PRICKLE1: variants seen among roughly 807,000 people sequenced by gnomAD.
PRICKLE1 encodes prickle planar cell polarity protein 1.
In PRICKLE1, 14 loss-of-function variants were observed where a neutral mutation model predicts 70.2. That is an observed-to-expected ratio of 0.20 (90% CI 0.13 to 0.31). The LOEUF is 0.31. Ranked by LOEUF, PRICKLE1 falls within the 10% of genes least tolerant of loss-of-function variation. The pLI, the probability that PRICKLE1 is intolerant of heterozygous loss-of-function variation, is 1.00. For synonymous variants in PRICKLE1, 357 were observed against 379.9 expected (o/e 0.94, Z 0.70); for missense variants, 821 against 1,026.2 (o/e 0.80, Z 2.73).
At chr12:42,544,142 T>G (rs1361162542) in intron 1 of PRICKLE1, among the ~76,000 whole-genome samples, 1 of 152,198 alleles carries the variant, frequency 6.6e-6, no homozygotes. Flanking sequence ...GGACCTGCAC[T>G]GTTCAAACCT....
chr12:42,526,934 T>C (rs1001338540), intron 1 of PRICKLE1, among the ~76,000 whole-genome samples: 3 of 152,018 alleles, frequency 2.0e-5, no homozygotes, highest in African/African-American at 7.3e-5. Flanking sequence ...AGACTATGTA[T>C]GCTGCTTGAA....
At chr12:42,539,026 T>G (rs910914973) in intron 1 of PRICKLE1, among the ~76,000 whole-genome samples, 9 of 152,200 alleles carry the variant, frequency 5.9e-5, no homozygotes, top group Admixed American at 1.3e-4. Context: ...AATTTTAATA[T>G]AGCATACATC....
Position 42,463,255 on chromosome 12 carries a change from C to T in PRICKLE1, c.1639+1140G>A, listed in dbSNP as rs141778526. On this transcript the variant is annotated intron_variant, in intron 7 of 7. Coordinates refer to ENST00000345127, the MANE Select transcript of PRICKLE1 (RefSeq NM_153026.3). ...CAGAGGTTATAGTGAGCTGATATCG[C>T]GTCATTGCACCCCAACCTGGGTGAC... Among the ~76,000 whole-genome samples, 1,244 of 152,106 alleles carry T rather than the reference C, an allele frequency of 8.2e-3. 7 individuals carry two copies. Among genetic ancestry groups the T allele is most frequent in the Middle Eastern group, 0.017 (5 of 294 alleles).
At chr12:42,483,065 C>T (rs1331605642) in intron 1 of PRICKLE1, 5 of 152,710 alleles carry the variant, frequency 3.3e-5, no homozygotes, top group Non-Finnish European at 7.3e-5. Context: ...GCGAGCGAAC[C>T]CCTCCTCGGC....
Position 42,469,511 on chromosome 12 carries a change from G to A in PRICKLE1, c.323C>T (p.Ala108Val). ...AAGCTTAATTGTTCCTCTTCCCAGT[G>A]CTTCTTTCTTCCGCTGAGCACTGAA... ...QVFSAQRKKE[A>V]LGRGTIKLLS... The change falls in exon 4 of 8, where the codon GCA (alanine) becomes GTA (valine). Residue 108 changes from alanine (A) to valine (V), a missense_variant. Physicochemically the swap from Ala to Val is moderately conservative, Grantham distance 64. Transcript: ENST00000345127. 6.2e-7 allele frequency: 1 copy of A among 1,614,128 alleles called. No homozygotes were observed. Among genetic ancestry groups the A allele is most frequent in the South Asian group, 1.1e-5 (1 of 91,084 alleles).
intron 6 of PRICKLE1, chr12:42,465,785 C>A: frequency 3.1e-6 from 1 of 322,564 alleles, no homozygotes; most frequent in South Asian, 3.0e-5. Context: ...GAGTACGGTA[C>A]CACTGGCTGT....
intron 1 of PRICKLE1, among the ~76,000 whole-genome samples, chr12:42,519,534 T>A (rs974826558): frequency 2.6e-5 from 4 of 152,158 alleles, no homozygotes; most frequent in African/African-American, 9.7e-5. Context: ...CTTTACCAGA[T>A]GCAGGAGATA....
chr12:42,506,254 TCTTTC>T (rs1566105923), intron 1 of PRICKLE1, among the ~76,000 whole-genome samples: 658 of 45,904 alleles, frequency 0.014, 36 homozygotes, highest in African/African-American at 0.043. Flanking sequence ...CTTTTTTCTT[TCTTTC>T]TTTTTTTTTT....
chr12:42,515,014 C>T (rs1432037324), intron 1 of PRICKLE1, among the ~76,000 whole-genome samples: 3 of 152,020 alleles, frequency 2.0e-5, no homozygotes, highest in Non-Finnish European at 4.4e-5. Context: ...GCAACTTCCG[C>T]CTCCCAGGTT....
At chr12:42,537,079 C>A (rs1040167006) in intron 1 of PRICKLE1, among the ~76,000 whole-genome samples, 1 of 152,092 alleles carries the variant, frequency 6.6e-6, no homozygotes, top group African/African-American at 2.4e-5. Context: ...AATTAAAACA[C>A]CTCACTCAAC....
chr12:42,568,812 A>G (rs961824718), intron 1 of PRICKLE1, among the ~76,000 whole-genome samples: 27 of 152,192 alleles, frequency 1.8e-4, no homozygotes, highest in Non-Finnish European at 1.5e-5. Context: ...TGTACTCAAT[A>G]GGTAATTTCT....
chr12:42,558,655 G>T (rs1470293204), intron 1 of PRICKLE1, among the ~76,000 whole-genome samples: 1 of 152,162 alleles, frequency 6.6e-6, no homozygotes, highest in Admixed American at 6.5e-5. Context: ...AAACTACAAA[G>T]CAACACTTTC....
chr12:42,546,885 T>A (rs1417007868), intron 1 of PRICKLE1, among the ~76,000 whole-genome samples: 1 of 152,246 alleles, frequency 6.6e-6, no homozygotes, highest in Non-Finnish European at 1.5e-5. Context: ...ATATGTGTTT[T>A]CTTGTTGTCT....
intron 1 of PRICKLE1, among the ~76,000 whole-genome samples, chr12:42,569,945 T>TA (rs1172685368): frequency 6.6e-6 from 1 of 152,260 alleles, no homozygotes; most frequent in Non-Finnish European, 1.5e-5. Flanking sequence ...AGATAGTCAC[T>TA]AAGTGACCCC....
intron 1 of PRICKLE1, chr12:42,489,962 G>A (rs892967664): frequency 6.6e-6 from 1 of 152,102 alleles, no homozygotes; most frequent in Non-Finnish European, 1.5e-5. Context: ...ACCACTGTTC[G>A]ACCTAGACCT....
intron 1 of PRICKLE1, among the ~76,000 whole-genome samples, chr12:42,583,865 C>G (rs954640246): frequency 6.6e-6 from 1 of 152,108 alleles, no homozygotes; most frequent in Non-Finnish European, 1.5e-5. Context: ...TCTTGGATAC[C>G]CTCTAGCTCT....
intron 1 of PRICKLE1, among the ~76,000 whole-genome samples, chr12:42,583,475 G>A (rs537776106): frequency 2.0e-5 from 3 of 152,210 alleles, no homozygotes; most frequent in East Asian, 1.9e-4. Context: ...GCTATTCTTC[G>A]CAGTACAGTA....
intron 1 of PRICKLE1, among the ~76,000 whole-genome samples, chr12:42,585,303 T>C (rs1252773981): frequency 6.6e-6 from 1 of 152,176 alleles, no homozygotes; most frequent in East Asian, 1.9e-4. Context: ...AAATCTCTCT[T>C]TATAGGAGAA....
chr12:42,561,727 C>T (rs938761072), intron 1 of PRICKLE1, among the ~76,000 whole-genome samples: 9 of 152,086 alleles, frequency 5.9e-5, no homozygotes, highest in Admixed American at 3.3e-4. Context: ...TGCTTACACA[C>T]AGTAACCATG....
Sources: allele counts gnomAD v4.1 joint callset (sites outside exome capture counted in the v4.1 genomes callset), GRCh38; gene constraint gnomAD v4.1.1; transcripts MANE v1.5; gene names NCBI Gene and HGNC (gene_info 2026-07-23, HGNC 2026-07-21).